Variants in HERC1 observed in about 807,000 individuals in gnomAD.
The protein encoded by HERC1 is probable E3 ubiquitin-protein ligase HERC1.
HERC1 carries 160 observed loss-of-function variants against 554.3 expected under a neutral mutation model. The ratio of observed to expected loss-of-function variants is 0.29; its 90% CI spans 0.25 to 0.33. The LOEUF (loss-of-function observed/expected upper bound fraction) is 0.33, where lower values mean the gene tolerates loss of function less well. HERC1 is among the 10% of genes least tolerant of loss of function. The pLI, the probability that HERC1 is intolerant of heterozygous loss-of-function variation, is 1.00. For synonymous variants in HERC1, 2,175 were observed against 2,131.7 expected (o/e 1.02, Z -0.56); for missense variants, 4,919 against 5,918.5 (o/e 0.83, Z 5.54).
intron 1 of HERC1, among the ~76,000 whole-genome samples, chr15:63,801,275 C>T (rs908976986): frequency 1.3e-5 from 2 of 152,136 alleles, no homozygotes; most frequent in African/African-American, 4.8e-5. Flanking sequence ...TGTAGGAACT[C>T]CCCCGTTTGT....
intron 1 of HERC1, among the ~76,000 whole-genome samples, chr15:63,830,349 T>C (rs753284286): frequency 1.3e-5 from 2 of 151,946 alleles, no homozygotes; most frequent in Non-Finnish European, 2.9e-5. Flanking sequence ...CTCAATCAAA[T>C]CATGAGAAAA....
chr15:63,816,684 TC>T (rs2077503606), intron 1 of HERC1, among the ~76,000 whole-genome samples: 4 of 152,330 alleles, frequency 2.6e-5, no homozygotes, highest in Middle Eastern at 3.4e-3. Flanking sequence ...CTTGCACTCT[TC>T]CTTTAAAGGA....
intron 69 of HERC1, among the ~76,000 whole-genome samples, chr15:63,630,252 C>A (rs934056554): frequency 6.6e-6 from 1 of 152,152 alleles, no homozygotes; most frequent in Admixed American, 6.5e-5. Flanking sequence ...GCTGTACTAC[C>A]AGAATTGTTT....
At chr15:63,620,817 C>G (rs1016484968) in intron 74 of HERC1, among the ~76,000 whole-genome samples, 21 of 152,052 alleles carry the variant, frequency 1.4e-4, no homozygotes, top group Non-Finnish European at 1.5e-4. Context: ...GATTGCAACC[C>G]CTGCCTTTTT....
chr15:63,785,817 T>C (rs907158832), intron 1 of HERC1, among the ~76,000 whole-genome samples: 7 of 151,460 alleles, frequency 4.6e-5, no homozygotes, highest in Admixed American at 3.3e-4. Context: ...GGAAGGGAAA[T>C]TGGTAAATGA....
intron 69 of HERC1, among the ~76,000 whole-genome samples, chr15:63,629,752 A>G (rs552094382): frequency 1.3e-5 from 2 of 152,322 alleles, no homozygotes; most frequent in East Asian, 3.9e-4. Context: ...TAATATGAAT[A>G]ATGCTAGACC....
intron 12 of HERC1, among the ~76,000 whole-genome samples, chr15:63,745,070 G>A (rs1417080361): frequency 6.6e-6 from 1 of 152,178 alleles, no homozygotes; most frequent in Non-Finnish European, 1.5e-5. Context: ...TCTGGAACAG[G>A]GAGACTTGCG....
At chr15:63,628,576 C>T in intron 70 of HERC1, 101 bp downstream of exon 70, 1 of 1,259,126 alleles carries the variant, frequency 7.9e-7, no homozygotes, top group Non-Finnish European at 1.1e-6. Context: ...TTGATGGTTT[C>T]ACAACGATGC....
At chr15:63,624,466 G>C in intron 71 of HERC1, 139 bp from the exon 72 acceptor site, 1 of 702,906 alleles carries the variant, frequency 1.4e-6, no homozygotes, top group Non-Finnish European at 2.3e-6. Flanking sequence ...GGAGGCTGTG[G>C]TGGGCGGATC....
rs2228517 is a variant in HERC1 at position 63,640,314 on chromosome 15, G to T, written c.11739C>A (p.Leu3913=). The change falls in exon 61 of 78, where the codon CTC becomes CTA. Residue 3913 remains leucine (L), a synonymous_variant. Coordinates refer to ENST00000443617, the MANE Select transcript of HERC1 (RefSeq NM_003922.4). ...PPVPPHHQNC[L]PDPASWNPNE... ...TTGGATTCCAGGATGCAGGGTCAGG[G>T]AGACAGTTCTGGTGGTGTGGTGGCA... 1 of 1,613,576 alleles carries T rather than the reference G, an allele frequency of 6.2e-7. No homozygotes were observed. The highest frequency in any genetic ancestry group is 8.5e-7 in the Non-Finnish European group (1 of 1,179,756).
At chr15:63,657,040 T>C (rs545528202) in intron 48 of HERC1, among the ~76,000 whole-genome samples, 4 of 152,322 alleles carry the variant, frequency 2.6e-5, no homozygotes, top group African/African-American at 9.6e-5. Context: ...CTGTTGGATA[T>C]ATACCCAGAA....
At chr15:63,735,492 T>C (rs1347789675) in intron 12 of HERC1, among the ~76,000 whole-genome samples, 1 of 151,218 alleles carries the variant, frequency 6.6e-6, no homozygotes, top group African/African-American at 2.4e-5. Context: ...CATGTATACA[T>C]ATGTAACTAA....
chr15:63,648,074 G>A lies in HERC1; in HGVS notation c.10873C>T (p.His3625Tyr). The change falls in exon 55 of 78, where the codon CAT becomes TAT. Residue 3625 changes from histidine to tyrosine, a missense_variant. His to Tyr is a moderately conservative substitution (Grantham distance 83, BLOSUM62 2). Coordinates refer to ENST00000443617, the MANE Select transcript of HERC1 (RefSeq NM_003922.4). ...EKGGIVLIDAHKDTLISMKWD... is the reference protein window; with the variant it reads ...EKGGIVLIDAYKDTLISMKWD... ...TTTTTTAAAGATGCATTTACCTTAT[G>A]TGCATCAATTAGAACAATGCCTCCT... 1 of 1,554,634 alleles carries A rather than the reference G, an allele frequency of 6.4e-7. No homozygotes were observed. The highest frequency in any genetic ancestry group is 8.7e-7 in the Non-Finnish European group (1 of 1,147,872).
chr15:63,747,720 A>G lies in HERC1; in HGVS notation c.2354+4T>C, dbSNP rs1243793161. 5.2e-6 allele frequency: 8 copies of G among 1,525,746 alleles called. No homozygotes were observed. The highest frequency in any genetic ancestry group is 1.4e-5 in the African/African-American group (1 of 72,392). The allele number at this position is 1,525,746 out of a possible 1,614,324, so 94.5% of individuals were successfully genotyped here. On this transcript the variant is annotated splice_donor_region_variant and intron_variant, in intron 11 of 77. Coordinates refer to ENST00000443617, the MANE Select transcript of HERC1 (RefSeq NM_003922.4). ...CAAAGATACAAAACATACATATAAC[A>G]TACCTTGATGAAGGGAAAGGGAGTG...
At chr15:63,732,844 T>A (rs919314931) in intron 14 of HERC1, 80 bp downstream of exon 14, 4 of 888,712 alleles carry the variant, frequency 4.5e-6, no homozygotes, top group Non-Finnish European at 7.2e-6. Flanking sequence ...CTATCATAGG[T>A]GTTTAAATGT....
intron 1 of HERC1, among the ~76,000 whole-genome samples, chr15:63,828,877 T>C (rs1376783338): frequency 6.6e-6 from 1 of 152,164 alleles, no homozygotes; most frequent in Admixed American, 6.5e-5. Context: ...CTAGATACTA[T>C]AAGGCTAAAG....
intron 25 of HERC1, among the ~76,000 whole-genome samples, chr15:63,701,121 G>A (rs1014404679): frequency 1.2e-4 from 18 of 151,826 alleles, no homozygotes; most frequent in Admixed American, 9.2e-4. Flanking sequence ...TATAAAATGC[G>A]CAAGGAACTG....
chr15:63,770,312 G>A (rs55955845), intron 2 of HERC1, among the ~76,000 whole-genome samples: 1,884 of 152,060 alleles, frequency 0.012, 36 homozygotes, highest in African/African-American at 0.044. Context: ...TTTGCCTCCC[G>A]CCCTCTTCTT....
intron 1 of HERC1, among the ~76,000 whole-genome samples, chr15:63,823,274 T>C (rs985158748): frequency 1.3e-5 from 2 of 152,100 alleles, no homozygotes; most frequent in Non-Finnish European, 2.9e-5. Flanking sequence ...CACTCAATCT[T>C]GGGGAGGGGG....
Sources: allele counts gnomAD v4.1 joint callset (sites outside exome capture counted in the v4.1 genomes callset), GRCh38; gene constraint gnomAD v4.1.1; transcripts MANE v1.5; gene names NCBI Gene and HGNC (gene_info 2026-07-23, HGNC 2026-07-21).